Variants in PDE9A observed in about 807,000 individuals in gnomAD.
The protein encoded by PDE9A is high affinity cGMP-specific 3',5'-cyclic phosphodiesterase 9A.
In PDE9A, 60 loss-of-function variants were observed where a neutral mutation model predicts 87.4. The ratio of observed to expected loss-of-function variants is 0.69; its 90% CI spans 0.56 to 0.85. The LOEUF is 0.85. Ranked by LOEUF, PDE9A falls within the 40% of genes least tolerant of loss-of-function variation. The pLI, the probability that PDE9A is intolerant of heterozygous loss-of-function variation, is 0.00. For missense variants in PDE9A, 665 were observed against 779.0 expected (o/e 0.85, Z 1.74); for synonymous variants, 272 against 279.4 (o/e 0.97, Z 0.27).
chr21:42,726,724 G>C (rs951262784), intron 4 of PDE9A, among the ~76,000 whole-genome samples: 1 of 144,846 alleles, frequency 6.9e-6, no homozygotes, highest in African/African-American at 2.6e-5. Context: ...ACCTCCCAAA[G>C]TGCTGGGATT....
intron 4 of PDE9A, among the ~76,000 whole-genome samples, chr21:42,701,988 T>C (rs1242191253): frequency 6.6e-6 from 1 of 152,172 alleles, no homozygotes; most frequent in Admixed American, 6.5e-5. Flanking sequence ...TGGTTTAACC[T>C]GCTTGGTGTT....
chr21:42,670,269 ATTCACACATT>A (rs2058384303), intron 1 of PDE9A, among the ~76,000 whole-genome samples: 1 of 68,152 alleles, frequency 1.5e-5, no homozygotes, highest in African/African-American at 2.0e-4. Flanking sequence ...TCACACACAT[ATTCACACATT>A]CACACATACA....
At chr21:42,716,480 C>T (rs1348427310) in intron 4 of PDE9A, among the ~76,000 whole-genome samples, 1 of 151,696 alleles carries the variant, frequency 6.6e-6, no homozygotes, top group Non-Finnish European at 1.5e-5. Flanking sequence ...TCCCTAGTGA[C>T]ATATCATGAT....
chr21:42,668,367 T>C (rs904444331), intron 1 of PDE9A, among the ~76,000 whole-genome samples: 10 of 152,148 alleles, frequency 6.6e-5, no homozygotes, highest in Admixed American at 3.3e-4. Flanking sequence ...GCATGAATTA[T>C]TAAGACAAGA....
At chr21:42,770,069 G>A (rs981694293) in intron 17 of PDE9A, among the ~76,000 whole-genome samples, 15 of 151,942 alleles carry the variant, frequency 9.9e-5, no homozygotes, top group Admixed American at 9.8e-4. Flanking sequence ...GAACCCCTGA[G>A]CTCTGTGCCC....
chr21:42,670,402 TCA>T (rs1378743775), intron 1 of PDE9A, among the ~76,000 whole-genome samples: 9 of 90,564 alleles, frequency 9.9e-5, no homozygotes, highest in East Asian at 4.9e-4. Context: ...TCACAAACAT[TCA>T]CACATACATT....
chr21:42,692,229 C>G lies in PDE9A; in HGVS notation c.218+4235C>G, dbSNP rs1278490172. ...CCAGTCCAGCTCGTGCGTGCCTCCC[C>G]CTCTGCACTGCCCAGAGCAGTTTTT... On this transcript the variant is annotated intron_variant, in intron 3 of 19. Coordinates refer to ENST00000291539, the MANE Select transcript of PDE9A (RefSeq NM_002606.3). The surrounding 1 kb of genome is among the most constrained non-coding windows in gnomAD (Gnocchi z 4.3). Among the ~76,000 whole-genome samples the G allele has an allele frequency of 6.6e-6, 1 of 152,110 alleles. No individual in the cohort carries two copies. The highest frequency in any genetic ancestry group is 1.5e-5 in the Non-Finnish European group (1 of 68,030).
chr21:42,668,873 A>C (rs560166652), intron 1 of PDE9A, among the ~76,000 whole-genome samples: 1 of 141,178 alleles, frequency 7.1e-6, no homozygotes, highest in African/African-American at 2.8e-5. Flanking sequence ...GGAATTCCCC[A>C]CGGATTATCA....
At chr21:42,663,658 C>G (rs966664030) in intron 1 of PDE9A, among the ~76,000 whole-genome samples, 1 of 152,166 alleles carries the variant, frequency 6.6e-6, no homozygotes. Context: ...GGGGTGCCAC[C>G]GTGATGTGCC....
At chr21:42,664,368 C>T (rs529112684) in intron 1 of PDE9A, among the ~76,000 whole-genome samples, 9 of 152,330 alleles carry the variant, frequency 5.9e-5, no homozygotes, top group East Asian at 1.9e-4. Flanking sequence ...CAGTGGCAGC[C>T]GCTCCTGATG....
intron 1 of PDE9A, among the ~76,000 whole-genome samples, chr21:42,670,513 C>G (rs528504270): frequency 6.8e-6 from 1 of 146,534 alleles, no homozygotes; most frequent in South Asian, 2.2e-4. Context: ...CACCTTCACA[C>G]ACACAGGCAA....
At chr21:42,698,024 G>A (rs1344001882) in intron 3 of PDE9A, among the ~76,000 whole-genome samples, 2 of 152,198 alleles carry the variant, frequency 1.3e-5, no homozygotes, top group Non-Finnish European at 2.9e-5. Context: ...TGGGTAGAGC[G>A]AGTGAATGAA....
chr21:42,755,691 C>T (rs2054962618), intron 10 of PDE9A, among the ~76,000 whole-genome samples: 1 of 152,240 alleles, frequency 6.6e-6, no homozygotes, highest in Non-Finnish European at 1.5e-5. Context: ...TGCACAGCTG[C>T]TGAGATTGGG....
intron 4 of PDE9A, among the ~76,000 whole-genome samples, chr21:42,717,340 C>A (rs2050036633): frequency 7.6e-6 from 1 of 132,062 alleles, no homozygotes; most frequent in South Asian, 2.5e-4. Flanking sequence ...GCTCTGTCGC[C>A]CAGGTTGGAG....
chr21:42,697,373 G>C (rs961835704), intron 3 of PDE9A: 1 of 1,209,768 alleles, frequency 8.3e-7, no homozygotes, highest in Non-Finnish European at 1.2e-6. Context: ...TGAACAGCTT[G>C]GTGTGTATAC....
Position 42,751,174 on chromosome 21 carries a change from C to G in PDE9A, c.712C>G (p.Arg238Gly). Residue 238 changes from arginine (R) to glycine (G), a missense_variant, in exon 9 of 20, where the codon CGC (arginine) becomes GGC (glycine). Coordinates refer to ENST00000291539, the MANE Select transcript of PDE9A (RefSeq NM_002606.3). ...LDNHKKLTPRRDVPTYPKYLL... is the reference protein window; with the variant it reads ...LDNHKKLTPRGDVPTYPKYLL... ...TAACCACAAGAAGTTGACTCCTCGA[C>G]GCGATGTTCCCACTTACCCCAAGGT... The G allele has an allele frequency of 6.2e-7, 1 of 1,612,232 alleles. No homozygotes were observed. The highest frequency in any genetic ancestry group is 8.5e-7 in the Non-Finnish European group (1 of 1,178,340).
At chr21:42,719,080 G>A (rs1446133118) in intron 4 of PDE9A, among the ~76,000 whole-genome samples, 1 of 151,648 alleles carries the variant, frequency 6.6e-6, no homozygotes, top group Non-Finnish European at 1.5e-5. Flanking sequence ...TCCAAACTTT[G>A]TCTCCTCCAC....
rs1436911679 is a variant in PDE9A at position 42,696,161 on chromosome 21, C to T, written c.219-2807C>T. 6.6e-6 allele frequency among the ~76,000 whole-genome samples: 1 copy of T among 152,126 alleles called. No individual in the cohort carries two copies. The highest frequency in any genetic ancestry group is 1.9e-4 in the East Asian group (1 of 5,194). ...TGGGTGGATGAGCAGGCCCAGTGCCCCTGTATGAGGGGAAGTTGTCTTGGT... is the reference window on the plus strand; with the variant it reads ...TGGGTGGATGAGCAGGCCCAGTGCCTCTGTATGAGGGGAAGTTGTCTTGGT... On this transcript the variant is annotated intron_variant, in intron 3 of 19. Coordinates refer to ENST00000291539, the MANE Select transcript of PDE9A (RefSeq NM_002606.3). The surrounding 1 kb of genome is among the most constrained non-coding windows in gnomAD (Gnocchi z 5.1).
In PDE9A at chr21:42,769,111, TTCA is replaced by T. The variant is rs769970854; in HGVS notation, c.1550_1552del (p.Ile517del). 9.3e-6 allele frequency: 15 copies of T among 1,613,480 alleles called. No homozygotes were observed. The highest frequency in any genetic ancestry group is 3.3e-5 in the Admixed American group (2 of 59,956). ...GACCAAGGCCACAGCCCAGATTGGG[TTCA>T]TCAAGTTTGTCCTGATCCCAATGTT... On this transcript the variant is annotated inframe_deletion, in exon 17 of 20. Coordinates refer to ENST00000291539, the MANE Select transcript of PDE9A (RefSeq NM_002606.3).
Sources: gnomAD v4.1 joint callset for allele counts (sites outside exome capture counted in the v4.1 genomes callset) on GRCh38, gnomAD v4.1.1 for gene constraint, Gnocchi (gnomAD v3.1) non-coding constraint, MANE v1.5 for transcripts, NCBI Gene and HGNC (gene_info 2026-07-23, HGNC 2026-07-21) for gene names.